The following RAPGEF4 variants were observed in gnomAD, a reference collection of about 807,000 sequenced individuals.
RAPGEF4 encodes RAP guanine-nucleotide-exchange factor (GEF) 4.
Under a neutral mutation model 147.9 loss-of-function variants are expected in RAPGEF4, and 66 were observed. The ratio of observed to expected loss-of-function variants is 0.45; its 90% CI spans 0.37 to 0.55. The LOEUF is 0.55. Ranked by LOEUF, RAPGEF4 falls within the 20% of genes least tolerant of loss-of-function variation. RAPGEF4 has a pLI of 0.00. For synonymous variants in RAPGEF4, 419 were observed against 442.7 expected, an observed-to-expected ratio of 0.95 and a Z score of 0.67; for missense variants, 1,071 against 1,257.3, an observed-to-expected ratio of 0.85 and a Z score of 2.24.
At chr2:172,887,962 C>T (rs551738891) in intron 4 of RAPGEF4, among the ~76,000 whole-genome samples, 1 of 152,266 alleles carries the variant, frequency 6.6e-6, no homozygotes, top group Middle Eastern at 3.4e-3. Flanking sequence ...AAGCCCTTAT[C>T]ATTGTTATTA....
At chr2:173,017,259 C>T (rs1695589910) in intron 20 of RAPGEF4, 55 bp downstream of exon 20, 12 of 1,563,718 alleles carry the variant, frequency 7.7e-6, no homozygotes, top group Non-Finnish European at 1.1e-5. Flanking sequence ...TACAATTCCC[C>T]AGAAATATTA....
chr2:172,875,605 A>G (rs1303466752), intron 4 of RAPGEF4, among the ~76,000 whole-genome samples: 3 of 152,006 alleles, frequency 2.0e-5, no homozygotes, highest in Non-Finnish European at 2.9e-5. Flanking sequence ...CCATTGTTCT[A>G]TATCTCTGTT....
chr2:172,755,208 A>G (rs1695658855), intron 1 of RAPGEF4, among the ~76,000 whole-genome samples: 1 of 152,196 alleles, frequency 6.6e-6, no homozygotes, highest in Non-Finnish European at 1.5e-5. Flanking sequence ...TACTGGCCCC[A>G]TACAGAAACT....
intron 17 of RAPGEF4, among the ~76,000 whole-genome samples, chr2:173,011,165 C>T (rs150605985): frequency 9.3e-5 from 8 of 85,768 alleles, no homozygotes; most frequent in Non-Finnish European, 1.8e-4. Context: ...CTTCAGCGCG[C>T]GCGCGCACAC....
intron 6 of RAPGEF4, among the ~76,000 whole-genome samples, chr2:172,960,392 G>A (rs1486967561): frequency 6.6e-6 from 1 of 152,194 alleles, no homozygotes; most frequent in African/African-American, 2.4e-5. Context: ...CACCCCTGGA[G>A]ACAGGTCATT....
At chr2:172,739,188 T>C (rs1694080457) in intron 1 of RAPGEF4, among the ~76,000 whole-genome samples, 2 of 152,110 alleles carry the variant, frequency 1.3e-5, no homozygotes, top group Non-Finnish European at 2.9e-5. Flanking sequence ...TTGAAAAAAG[T>C]CTCAGCAGAT....
intron 29 of RAPGEF4, among the ~76,000 whole-genome samples, chr2:173,037,391 A>C (rs917164338): frequency 2.1e-4 from 32 of 152,014 alleles, no homozygotes; most frequent in Admixed American, 2.1e-3. Context: ...TGGCCTAGAA[A>C]ATTTTTTTCA....
chr2:172,951,935 C>T (rs372568280), intron 6 of RAPGEF4, among the ~76,000 whole-genome samples: 1 of 152,138 alleles, frequency 6.6e-6, no homozygotes, highest in African/African-American at 2.4e-5. Flanking sequence ...GGATCATGAT[C>T]TCTAGACAAG....
chr2:172,961,800 G>A (rs1689327083), intron 8 of RAPGEF4, among the ~76,000 whole-genome samples: 1 of 152,168 alleles, frequency 6.6e-6, no homozygotes, highest in African/African-American at 2.4e-5. Context: ...CACAAGTTTA[G>A]CACTTACTGT....
Position 172,736,005 on chromosome 2 carries a change from C to T in RAPGEF4, c.22C>T (p.His8Tyr), listed in dbSNP as rs922884425. 11 of 1,479,816 alleles carry T rather than the reference C, an allele frequency of 7.4e-6. No individual in the cohort carries two copies. Among genetic ancestry groups the T allele is most frequent in the African/African-American group, 2.9e-5 (2 of 67,936 alleles). The allele number at this position is 1,479,816 out of a possible 1,614,324, so 91.7% of individuals were successfully genotyped here. A position where few individuals can be genotyped will look rare whatever the true frequency, so the allele number is the denominator to read the frequency against. MVAAHAAHSSSSAEWIAC... is the reference protein window; with the variant it reads MVAAHAAYSSSSAEWIAC... The stretch of plus-strand genomic sequence containing the variant: ...CAACATGGTCGCTGCGCACGCTGCC[C>T]ATTCTTCCTCCTCTGCCGAGTGGAT... The change falls in exon 1 of 31, where the codon CAT (histidine) becomes TAT (tyrosine). Residue 8 changes from histidine to tyrosine, a missense_variant. His to Tyr is a moderately conservative substitution (Grantham distance 83, BLOSUM62 2). Coordinates refer to ENST00000397081, the MANE Select transcript of RAPGEF4 (RefSeq NM_007023.4).
At chr2:172,776,966 T>A (rs1684231797) in intron 1 of RAPGEF4, among the ~76,000 whole-genome samples, 1 of 152,240 alleles carries the variant, frequency 6.6e-6, no homozygotes, top group Non-Finnish European at 1.5e-5. Flanking sequence ...CACATCTTCC[T>A]ATTTCTTTGC....
chr2:172,817,830 A>G (rs1004604121), intron 4 of RAPGEF4, among the ~76,000 whole-genome samples: 9 of 150,276 alleles, frequency 6.0e-5, no homozygotes, highest in Non-Finnish European at 1.2e-4. Flanking sequence ...AAAATATGGA[A>G]CCAACTCAAA....
intron 4 of RAPGEF4, among the ~76,000 whole-genome samples, chr2:172,908,373 T>C (rs990282844): frequency 1.3e-5 from 2 of 152,244 alleles, no homozygotes; most frequent in Non-Finnish European, 1.5e-5. Context: ...CACACCTCGG[T>C]TGTGAAGGTC....
chr2:172,910,783 C>G (rs1385139479), intron 4 of RAPGEF4, among the ~76,000 whole-genome samples: 1 of 152,162 alleles, frequency 6.6e-6, no homozygotes. Flanking sequence ...CATTTCGAGA[C>G]CAAGTGTTCC....
At chr2:172,790,859 A>G (rs1193319612) in intron 1 of RAPGEF4, among the ~76,000 whole-genome samples, 1 of 152,208 alleles carries the variant, frequency 6.6e-6, no homozygotes, top group Admixed American at 6.5e-5. Context: ...GGATGTGGTG[A>G]GGGAGAGTGT....
chr2:172,815,977 CTTTG>C (rs1330696155), intron 4 of RAPGEF4, among the ~76,000 whole-genome samples: 3 of 152,090 alleles, frequency 2.0e-5, no homozygotes, highest in Non-Finnish European at 4.4e-5. Context: ...CTTGCTTCAG[CTTTG>C]TTTGTTTTTT....
At chr2:172,801,486 T>C (rs1394283673) in intron 3 of RAPGEF4, among the ~76,000 whole-genome samples, 1 of 152,062 alleles carries the variant, frequency 6.6e-6, no homozygotes, top group Non-Finnish European at 1.5e-5. Context: ...GCCAGGATGG[T>C]GGAAGAAGAG....
chr2:172,851,524 G>A (rs909330675), intron 4 of RAPGEF4, among the ~76,000 whole-genome samples: 1 of 152,088 alleles, frequency 6.6e-6, no homozygotes, highest in Non-Finnish European at 1.5e-5. Flanking sequence ...ATTCACAATA[G>A]CAAAGACATG....
chr2:173,034,720 A>G (rs969554710), intron 27 of RAPGEF4, among the ~76,000 whole-genome samples: 7 of 152,000 alleles, frequency 4.6e-5, no homozygotes, highest in African/African-American at 1.2e-4. Flanking sequence ...CAAAAAATAC[A>G]AAAATTAGCC....
Sources: allele counts gnomAD v4.1 joint callset (sites outside exome capture counted in the v4.1 genomes callset), GRCh38; gene constraint gnomAD v4.1.1; transcripts MANE v1.5; gene names NCBI Gene and HGNC (gene_info 2026-07-23, HGNC 2026-07-21).